DYNC2H1: variants seen among roughly 807,000 people sequenced by gnomAD.
DYNC2H1 encodes cytoplasmic dynein 2 heavy chain 1.
DYNC2H1 carries 410 observed loss-of-function variants against 570.0 expected under a neutral mutation model. That is an observed-to-expected ratio of 0.72 (90% confidence interval 0.66 to 0.78). The LOEUF is 0.78. Among genes scored for constraint, DYNC2H1 ranks in the 30% least tolerant of loss-of-function variants. The probability of loss-of-function intolerance (pLI) is 0.00; values close to 1 mark genes in which losing one functional copy is unlikely to be tolerated. For missense variants in DYNC2H1, 4,865 were observed against 5,046.4 expected, an observed-to-expected ratio of 0.96 and a Z score of 1.09; for synonymous variants, 1,688 against 1,677.6, an observed-to-expected ratio of 1.01 and a Z score of -0.15.
At chr11:103,146,301 A>C (rs1860236992) in intron 18 of DYNC2H1, among the ~76,000 whole-genome samples, 1 of 152,210 alleles carries the variant, frequency 6.6e-6, no homozygotes, top group Non-Finnish European at 1.5e-5. Flanking sequence ...TTTTTGACCA[A>C]AGTTTTCAGA....
intron 84 of DYNC2H1, among the ~76,000 whole-genome samples, chr11:103,430,405 T>A (rs896285766): frequency 6.6e-6 from 1 of 152,112 alleles, no homozygotes; most frequent in African/African-American, 2.4e-5. Context: ...TATACAAGTG[T>A]TTGCTATCGT....
At chr11:103,413,329 G>A (rs1362695125) in intron 84 of DYNC2H1, among the ~76,000 whole-genome samples, 1 of 151,988 alleles carries the variant, frequency 6.6e-6, no homozygotes, top group Non-Finnish European at 1.5e-5. Flanking sequence ...AATTATAAAC[G>A]TTGAATAATT....
chr11:103,243,861 TAATCAGA>T lies in DYNC2H1; in HGVS notation c.9918+73_9918+79del. The stretch of plus-strand genomic sequence containing the variant: ...TATAGTGAAAAGATCTTGGAGTCTA[TAATCAGA>T]AAACATAGATTCAACACTGGGTCCT... On this transcript the variant is annotated intron_variant, in intron 64 of 88. Coordinates refer to ENST00000375735, the MANE Select transcript of DYNC2H1 (RefSeq NM_001377.3). This position sits in a 1 kb window ranked among gnomAD's most constrained non-coding sequence, Gnocchi z 4.8. 1 of 1,246,348 alleles carries T rather than the reference TAATCAGA, an allele frequency of 8.0e-7. No individual in the cohort carries two copies. The highest frequency in any genetic ancestry group is 1.1e-6 in the Non-Finnish European group (1 of 898,850). 77.2% of individuals were successfully genotyped at this position (1,246,348 alleles called of 1,614,324 possible). A position where few individuals can be genotyped will look rare whatever the true frequency, so the allele number is the denominator to read the frequency against.
rs1321151863 is a variant in DYNC2H1 at position 103,201,229 on chromosome 11, A to G, written c.8197+1075A>G. ...GTATAATAGAAAAATACCACTTGAA[A>G]GAGGACTATCTTAATACAAATACTC... On this transcript the variant is annotated intron_variant, in intron 50 of 88. Coordinates refer to ENST00000375735, the MANE Select transcript of DYNC2H1 (RefSeq NM_001377.3). This position sits in a 1 kb window ranked among gnomAD's most constrained non-coding sequence, Gnocchi z 4.8. Among the ~76,000 whole-genome samples the G allele has an allele frequency of 1.3e-5, 2 of 152,198 alleles. No individual in the cohort carries two copies. The highest frequency in any genetic ancestry group is 2.9e-5 in the Non-Finnish European group (2 of 68,034).
At position 103,326,776 on chromosome 11, in the gene DYNC2H1, A is replaced by C. The variant is rs539047090; in HGVS notation, c.12039+2786A>C. Among the ~76,000 whole-genome samples the C allele has an allele frequency of 6.6e-6, 1 of 152,314 alleles. No individual in the cohort carries two copies. Among genetic ancestry groups the C allele is most frequent in the South Asian group, 2.1e-4 (1 of 4,832 alleles). On this transcript the variant is annotated intron_variant, in intron 82 of 88. Transcript: ENST00000375735. The surrounding 1 kb of genome is among the most constrained non-coding windows in gnomAD (Gnocchi z 6.1). ...AGATGTGCCCCAATCCTGTGGGGGAAGCCAGCCTGCTGTCTCTTGGCCTGG... is the reference window on the plus strand; with the variant it reads ...AGATGTGCCCCAATCCTGTGGGGGACGCCAGCCTGCTGTCTCTTGGCCTGG...
chr11:103,139,689 C>T (rs1444511663), intron 17 of DYNC2H1, among the ~76,000 whole-genome samples: 2 of 151,694 alleles, frequency 1.3e-5, no homozygotes, highest in African/African-American at 4.8e-5. Flanking sequence ...AATGTATATT[C>T]TGTTGATCTG....
chr11:103,402,452 C>T (rs1179862487), intron 84 of DYNC2H1: 4 of 151,958 alleles, frequency 2.6e-5, no homozygotes, highest in Non-Finnish European at 5.9e-5. Flanking sequence ...GTTAGCAAGC[C>T]TAGGGTTAAA....
intron 79 of DYNC2H1, among the ~76,000 whole-genome samples, chr11:103,313,177 C>T (rs552216638): frequency 6.6e-6 from 1 of 152,220 alleles, no homozygotes; most frequent in Non-Finnish European, 1.5e-5. Context: ...TACCATAGTC[C>T]AGAAGAAAAG....
In DYNC2H1 at chr11:103,423,408, TA is replaced by T. The variant is rs60223334; in HGVS notation, c.12367-12505del. The stretch of plus-strand genomic sequence containing the variant: ...ATTAAATAGCCAAAAGCCAAAAAAG[TA>T]AAAAAAAAAAAAAAAAAAAAAAAAA... On this transcript the variant is annotated intron_variant, in intron 84 of 88. Transcript: ENST00000375735. Among the ~76,000 whole-genome samples the T allele has an allele frequency of 6.7e-3, 797 of 119,494 alleles. 2 individuals are homozygous for T. The highest frequency in any genetic ancestry group is 7.9e-3 in the Non-Finnish European group (401 of 51,004). The allele number at this position is 119,494 out of a possible 152,430, so 78.4% of individuals were successfully genotyped here. A position where few individuals can be genotyped will look rare whatever the true frequency, so the allele number is the denominator to read the frequency against.
intron 85 of DYNC2H1, among the ~76,000 whole-genome samples, chr11:103,449,736 G>C (rs1944535996): frequency 6.6e-6 from 1 of 152,078 alleles, no homozygotes; most frequent in Non-Finnish European, 1.5e-5. Flanking sequence ...GCATGTTAGA[G>C]CCATAATTTT....
intron 47 of DYNC2H1, among the ~76,000 whole-genome samples, chr11:103,195,637 C>T (rs775827017): frequency 2.2e-4 from 33 of 152,104 alleles, no homozygotes; most frequent in Non-Finnish European, 4.4e-4. Flanking sequence ...TTTGTCTTTT[C>T]GTATAGATTT....
chr11:103,135,843 T>C lies in DYNC2H1; in HGVS notation c.2469T>C (p.Ser823=). The change falls in exon 17 of 89, where the codon TCT becomes TCC. Residue 823 remains serine (S), a synonymous_variant. Coordinates refer to ENST00000375735, the MANE Select transcript of DYNC2H1 (RefSeq NM_001377.3). ...GAGTGGGTGAGGCAGGAGATGAATC[T>C]ATTTTTTCTATTATGATTGATAGAA... ...FKGVGEAGDE[S]IFSIMIDRNA... is the part of the protein sequence containing the mutation. 2 of 1,613,234 alleles carry C rather than the reference T, an allele frequency of 1.2e-6. No homozygotes were observed. Among genetic ancestry groups the C allele is most frequent in the Non-Finnish European group, 1.7e-6 (2 of 1,179,576 alleles).
chr11:103,251,385 A>G (rs1273471828), intron 65 of DYNC2H1, among the ~76,000 whole-genome samples: 1 of 148,038 alleles, frequency 6.8e-6, no homozygotes, highest in Non-Finnish European at 1.5e-5. Flanking sequence ...TTTAACTTTC[A>G]ACTTTTTTGT....
chr11:103,413,359 G>A (rs1384547498), intron 84 of DYNC2H1, among the ~76,000 whole-genome samples: 1 of 151,568 alleles, frequency 6.6e-6, no homozygotes, highest in African/African-American at 2.4e-5. Flanking sequence ...TTCATTTAAG[G>A]TATTACCTCA....
intron 83 of DYNC2H1, among the ~76,000 whole-genome samples, chr11:103,374,883 C>G (rs948100920): frequency 6.6e-6 from 1 of 152,146 alleles, no homozygotes; most frequent in African/African-American, 2.4e-5. Flanking sequence ...AAATTCAAAC[C>G]AGCTATAGAA....
intron 70 of DYNC2H1, among the ~76,000 whole-genome samples, chr11:103,276,310 T>C (rs1865904113): frequency 6.6e-6 from 1 of 152,156 alleles, no homozygotes; most frequent in South Asian, 2.1e-4. Flanking sequence ...GGAAGGTCTT[T>C]TCATTGTATG....
chr11:103,383,443 G>A (rs905740419), intron 83 of DYNC2H1, among the ~76,000 whole-genome samples: 5 of 151,048 alleles, frequency 3.3e-5, no homozygotes, highest in Non-Finnish European at 7.4e-5. Context: ...GATTTGGGTG[G>A]TTAGTTTGGT....
At chr11:103,284,158 C>A (rs908298785) in intron 73 of DYNC2H1, among the ~76,000 whole-genome samples, 8 of 152,146 alleles carry the variant, frequency 5.3e-5, no homozygotes, top group African/African-American at 1.9e-4. Context: ...CAGCAAGAAT[C>A]CCATTAGGTT....
chr11:103,177,861 C>A lies in DYNC2H1; in HGVS notation c.6139+41C>A. On this transcript the variant is annotated intron_variant, in intron 38 of 88. Transcript: ENST00000375735. This position sits in a 1 kb window ranked among gnomAD's most constrained non-coding sequence, Gnocchi z 4.4. ...TACTTCTTTGCTTTACTTAGTAATT[C>A]TTAGATAATGATATAATTTGTCTAT... is the stretch of plus-strand genomic sequence containing the variant. 6.4e-7 allele frequency: 1 copy of A among 1,557,906 alleles called. No individual in the cohort carries two copies. Among genetic ancestry groups the A allele is most frequent in the Non-Finnish European group, 8.6e-7 (1 of 1,160,814 alleles).
Sources: gnomAD v4.1 joint callset for allele counts (sites outside exome capture counted in the v4.1 genomes callset) on GRCh38, gnomAD v4.1.1 for gene constraint, Gnocchi (gnomAD v3.1) non-coding constraint, MANE v1.5 for transcripts, NCBI Gene and HGNC (gene_info 2026-07-23, HGNC 2026-07-21) for gene names.